The following BRD10 variants were observed in gnomAD, a reference collection of about 807,000 sequenced individuals.
BRD10 encodes the protein uncharacterized bromodomain-containing protein 10.
chr9:5,970,363 G>A, the BRD10 span, among the ~76,000 whole-genome samples: 1 of 151,958 alleles, frequency 6.6e-6, no homozygotes, highest in East Asian at 1.9e-4. Flanking sequence ...TATTAAGCAG[G>A]GAGGTGACAG....
At chr9:5,995,380 C>T in the BRD10 span, among the ~76,000 whole-genome samples, 144 of 152,292 alleles carry the variant, frequency 9.5e-4, no homozygotes, top group African/African-American at 3.3e-3. Flanking sequence ...AAAAATGTGC[C>T]TCCAATCCTC....
the BRD10 span, among the ~76,000 whole-genome samples, chr9:5,923,841 C>T: frequency 1.3e-5 from 2 of 152,134 alleles, no homozygotes; most frequent in Non-Finnish European, 2.9e-5. Flanking sequence ...AGACATTACT[C>T]TTAATTTGCC....
At chr9:6,007,136 A>C in the BRD10 span, 1 of 1,526,376 alleles carries the variant, frequency 6.6e-7, no homozygotes, top group Non-Finnish European at 9.0e-7. Flanking sequence ...ATCCTCGGGC[A>C]CGTGTGAGTG....
chr9:5,966,903 A>G, the BRD10 span, among the ~76,000 whole-genome samples: 2 of 152,218 alleles, frequency 1.3e-5, no homozygotes, highest in Non-Finnish European at 2.9e-5. Context: ...ATCAATGTGG[A>G]GCATTTTGAA....
At chr9:5,896,925 G>A in the BRD10 span, among the ~76,000 whole-genome samples, 1 of 152,210 alleles carries the variant, frequency 6.6e-6, no homozygotes, top group East Asian at 1.9e-4. Flanking sequence ...AGCAAAGCGG[G>A]GAGTTTAGGG....
the BRD10 span, among the ~76,000 whole-genome samples, chr9:5,972,823 G>C: frequency 6.6e-6 from 1 of 152,094 alleles, no homozygotes; most frequent in African/African-American, 2.4e-5. Flanking sequence ...AATGGACTAA[G>C]ACACTCTTCA....
At chr9:5,957,270 C>T in the BRD10 span, among the ~76,000 whole-genome samples, 2 of 152,222 alleles carry the variant, frequency 1.3e-5, no homozygotes, top group Admixed American at 6.5e-5. Flanking sequence ...TTAACTCACT[C>T]ATGTGTCACA....
the BRD10 span, chr9:6,007,787 T>C: frequency 8.5e-6 from 13 of 1,535,794 alleles, no homozygotes; most frequent in South Asian, 5.9e-5. Context: ...GGCACACTCA[T>C]GCCCCGGCAG....
chr9:5,886,154 C>T, the BRD10 span, among the ~76,000 whole-genome samples: 3 of 152,144 alleles, frequency 2.0e-5, no homozygotes, highest in African/African-American at 7.2e-5. Flanking sequence ...GTGGGGAGCA[C>T]TGAAGAGGGC....
the BRD10 span, among the ~76,000 whole-genome samples, chr9:5,907,597 A>G: frequency 3.3e-5 from 5 of 152,368 alleles, no homozygotes; most frequent in East Asian, 7.7e-4. Context: ...ATTAGGTTAA[A>G]CAAAATATTT....
the BRD10 span, chr9:5,920,253 T>C: frequency 4.2e-5 from 67 of 1,613,696 alleles, no homozygotes; most frequent in Non-Finnish European, 5.7e-5. Context: ...TTTGGATTAG[T>C]AGATATAAGG....
chr9:5,996,126 G>C, the BRD10 span, among the ~76,000 whole-genome samples: 4 of 152,120 alleles, frequency 2.6e-5, no homozygotes, highest in East Asian at 7.7e-4. Flanking sequence ...GGAGCCCTTA[G>C]TGGTAAGTAA....
At chr9:5,913,895 T>A in the BRD10 span, 98 of 344,774 alleles carry the variant, frequency 2.8e-4, no homozygotes, top group Non-Finnish European at 4.3e-4. Context: ...ATGCAGCTCA[T>A]ATGAAAATAT....
the BRD10 span, among the ~76,000 whole-genome samples, chr9:5,973,265 G>C: frequency 6.6e-6 from 1 of 152,194 alleles, no homozygotes; most frequent in African/African-American, 2.4e-5. Flanking sequence ...TCAGAAGTTT[G>C]AGACCAGCCT....
chr9:5,890,361 C>T, the BRD10 span, among the ~76,000 whole-genome samples: 2 of 152,164 alleles, frequency 1.3e-5, no homozygotes, highest in Non-Finnish European at 2.9e-5. Flanking sequence ...TTGTATGGGA[C>T]ATAGTTGTAT....
the BRD10 span, chr9:5,968,287 G>A: frequency 6.2e-7 from 1 of 1,611,792 alleles, no homozygotes; most frequent in Non-Finnish European, 8.5e-7. Flanking sequence ...GATGATCACT[G>A]TGACTTCCAT....
the BRD10 span, among the ~76,000 whole-genome samples, chr9:6,006,966 G>T: frequency 6.6e-6 from 1 of 152,156 alleles, no homozygotes; most frequent in Admixed American, 6.5e-5. Flanking sequence ...GCTCTTCAGC[G>T]CTGCAGACTC....
the BRD10 span, chr9:5,920,609 G>A: frequency 3.1e-6 from 5 of 1,613,954 alleles, no homozygotes; most frequent in Non-Finnish European, 4.2e-6. Context: ...TGTTGGCACT[G>A]TAGTTGAAAT....
At chr9:5,987,424 T>C in the BRD10 span, among the ~76,000 whole-genome samples, 1 of 152,138 alleles carries the variant, frequency 6.6e-6, no homozygotes, top group African/African-American at 2.4e-5. Flanking sequence ...CAATCTACTG[T>C]ACGCTACTGT....
Sources: allele counts gnomAD v4.1 joint callset (sites outside exome capture counted in the v4.1 genomes callset), GRCh38; gene constraint gnomAD v4.1.1; transcripts MANE v1.5; gene names NCBI Gene and HGNC (gene_info 2026-07-23, HGNC 2026-07-21).